The following DMD variants were observed in gnomAD, a reference collection of about 807,000 sequenced individuals.
DMD encodes the protein dystrophin.
DMD carries 63 observed loss-of-function variants against 330.1 expected under a neutral mutation model. That is an observed-to-expected ratio of 0.19 (90% CI 0.16 to 0.24). The LOEUF (loss-of-function observed/expected upper bound fraction) is 0.24. Ranked by LOEUF, DMD falls within the 10% of genes least tolerant of loss-of-function variation. DMD has a pLI of 1.00. For missense variants in DMD, 3,344 were observed against 2,684.1 expected, an observed-to-expected ratio of 1.25 and a Z score of -5.43; for synonymous variants, 1,223 against 959.8, an observed-to-expected ratio of 1.27 and a Z score of -5.07.
chrX:32,985,729 G>A (rs755570297), intron 2 of DMD, among the ~76,000 whole-genome samples: 5 of 111,813 alleles, frequency 4.5e-5, no homozygotes, highest in Non-Finnish European at 9.4e-5. Context: ...AGAGGCAGTC[G>A]CTGTCATGCA....
intron 12 of DMD, among the ~76,000 whole-genome samples, chrX:32,602,132 C>T (rs761496890): frequency 8.1e-5 from 9 of 111,767 alleles, no homozygotes; most frequent in Non-Finnish European, 1.5e-4. Context: ...TTAAATAATA[C>T]CTGAACTTCC....
rs540061550 is a variant in DMD, at chrX:32,754,690, A to G, written c.649+54803T>C. Among the ~76,000 whole-genome samples the G allele has an allele frequency of 2.7e-4, 30 of 112,048 alleles. No individual in the cohort carries two copies. The South Asian group carries it at 0.011, about 40-fold the overall frequency. On this transcript the variant is annotated intron_variant, in intron 7 of 78. Transcript: ENST00000357033. The stretch of plus-strand genomic sequence containing the variant: ...AATAACAAACTTATCGCAGATTTAA[A>G]CATACAGAAATTTTCACGGCAAATC...
upstream of DMD, among the ~76,000 whole-genome samples, chrX:33,214,142 C>T (rs751841178): frequency 9.2e-6 from 1 of 108,283 alleles, no homozygotes; most frequent in South Asian, 4.1e-4. Context: ...TAGTTCATGG[C>T]ATGGATGTTC....
rs755639625 is a variant in DMD at position 31,479,123 on chromosome X, G to T, written c.8548-20C>A. ...GAAGGCCTGTGAAATGAGATGAAAA[G>T]AAGTGCTTATTTGGCTTGTGGCATT... On this transcript the variant is annotated intron_variant, in intron 57 of 78. Transcript: ENST00000357033. 1 of 1,210,110 alleles carries T rather than the reference G, an allele frequency of 8.3e-7. No homozygotes were observed. Among genetic ancestry groups the T allele is most frequent in the African/African-American group, 1.7e-5 (1 of 57,821 alleles).
intron 45 of DMD, among the ~76,000 whole-genome samples, chrX:31,959,273 A>G (rs2150137954): frequency 9.0e-6 from 1 of 111,688 alleles, no homozygotes; most frequent in East Asian, 2.8e-4. Context: ...TACCCTGGAA[A>G]AAATTCTTTG....
intron 1 of DMD, among the ~76,000 whole-genome samples, chrX:33,242,088 T>C (rs748633648): frequency 1.3e-4 from 15 of 112,135 alleles, no homozygotes; most frequent in African/African-American, 4.5e-4. Flanking sequence ...TTGTAGCTAT[T>C]GTAAATGGGA....
chrX:33,148,856 G>A (rs890198850), intron 1 of DMD, among the ~76,000 whole-genome samples: 2 of 111,171 alleles, frequency 1.8e-5, no homozygotes, highest in Admixed American at 9.6e-5. Context: ...ATGCTTTGGC[G>A]GATTAAAGAT....
At chrX:31,871,695 A>G (rs1320828939) in intron 48 of DMD, among the ~76,000 whole-genome samples, 1 of 108,653 alleles carries the variant, frequency 9.2e-6, no homozygotes, top group Non-Finnish European at 1.9e-5. Context: ...TTAAGATTTT[A>G]GTAAAGGTGT....
intron 6 of DMD, among the ~76,000 whole-genome samples, chrX:32,814,382 T>C (rs938622752): frequency 1.8e-5 from 2 of 112,501 alleles, no homozygotes; most frequent in African/African-American, 6.4e-5. Flanking sequence ...TTATGCTCTA[T>C]ATTAACTACA....
intron 44 of DMD, among the ~76,000 whole-genome samples, chrX:32,165,121 C>A (rs754089378): frequency 8.9e-6 from 1 of 112,410 alleles, no homozygotes; most frequent in Admixed American, 9.4e-5. Context: ...GGAGCCCCAA[C>A]ACAGAGTCCC....
At chrX:32,189,534 A>G (rs1286201247) in intron 44 of DMD, among the ~76,000 whole-genome samples, 1 of 111,261 alleles carries the variant, frequency 9.0e-6, no homozygotes, top group Non-Finnish European at 1.9e-5. Flanking sequence ...CAAAACTTAA[A>G]ATATTTACTA....
At chrX:31,846,728 C>T (rs1482436981) in intron 48 of DMD, among the ~76,000 whole-genome samples, 1 of 111,100 alleles carries the variant, frequency 9.0e-6, no homozygotes, top group Non-Finnish European at 1.9e-5. Context: ...GACTAGCATC[C>T]TTCTCTATCC....
chrX:32,666,120 TAG>T (rs1362042181), intron 9 of DMD, among the ~76,000 whole-genome samples: 3 of 110,733 alleles, frequency 2.7e-5, no homozygotes, highest in Non-Finnish European at 3.8e-5. Context: ...TATATGATCT[TAG>T]AGTGTATTGG....
chrX:31,709,589 T>TGC (rs2088608099), intron 52 of DMD, among the ~76,000 whole-genome samples: 2 of 103,705 alleles, frequency 1.9e-5, no homozygotes, highest in African/African-American at 7.4e-5. Context: ...TCTGTCTGTG[T>TGC]GTGTGTGTGT....
chrX:32,204,244 T>C (rs2097053986), intron 44 of DMD, among the ~76,000 whole-genome samples: 1 of 112,079 alleles, frequency 8.9e-6, no homozygotes, highest in Admixed American at 9.5e-5. Context: ...AGCTTTATGA[T>C]TTGGGATAAA....
intron 66 of DMD, 61 bp downstream of exon 66, chrX:31,206,521 T>C: frequency 1.0e-6 from 1 of 964,164 alleles, no homozygotes; most frequent in African/African-American, 1.9e-5. Flanking sequence ...ATTTCCCATC[T>C]AGAACTAGGG....
chrX:32,419,305 C>T (rs1052093127), intron 29 of DMD, among the ~76,000 whole-genome samples: 1 of 112,009 alleles, frequency 8.9e-6, no homozygotes, highest in Non-Finnish European at 1.9e-5. Flanking sequence ...ACAAGATTCA[C>T]TTTGTTGCTT....
intron 9 of DMD, among the ~76,000 whole-genome samples, chrX:32,694,791 G>A (rs1429065288): frequency 2.7e-5 from 3 of 110,990 alleles, no homozygotes; most frequent in Non-Finnish European, 5.7e-5. Context: ...CGAGTAGCTG[G>A]GATTACAGGT....
chrX:32,856,257 C>CA (rs750435127), intron 2 of DMD, among the ~76,000 whole-genome samples: 9 of 111,269 alleles, frequency 8.1e-5, no homozygotes, highest in East Asian at 2.8e-4. Context: ...TGAGGTTCTT[C>CA]AAAAAAACTG....
Sources: gnomAD v4.1 joint callset for allele counts (sites outside exome capture counted in the v4.1 genomes callset) on GRCh38, gnomAD v4.1.1 for gene constraint, MANE v1.5 for transcripts, NCBI Gene and HGNC (gene_info 2026-07-23, HGNC 2026-07-21) for gene names.